The following MCF2L2 variants were observed in gnomAD, a reference collection of about 807,000 sequenced individuals.
MCF2L2 encodes the protein probable guanine nucleotide exchange factor MCF2L2.
MCF2L2 carries 102 observed loss-of-function variants against 150.2 expected under a neutral mutation model. That is an observed-to-expected ratio of 0.68 (90% CI 0.58 to 0.80). The LOEUF is 0.80. Among genes scored for constraint, MCF2L2 ranks in the 30% least tolerant of loss-of-function variants. The pLI is 0.00. For missense variants in MCF2L2, 1,256 were observed against 1,372.8 expected (o/e 0.91, Z 1.34); for synonymous variants, 465 against 491.3 (o/e 0.95, Z 0.71).
rs770812158 is a variant in MCF2L2 at position 183,207,809 on chromosome 3, T to A, written c.2511A>T (p.Lys837Asn). Residue 837 changes from lysine (K) to asparagine (N), a missense_variant, in exon 23 of 30, where the codon AAA becomes AAT. Transcript: ENST00000328913. Reference protein sequence around the residue: ...AVTECPDDIGKLGKLLLHGPF... With the variant: ...AVTECPDDIGNLGKLLLHGPF... Reference sequence around the variant, plus strand: ...GGCCGTGCAGCAACAGCTTGCCTAGTTTTCCAATATCGTCCTTTTGGAAAC... The same window carrying A: ...GGCCGTGCAGCAACAGCTTGCCTAGATTTCCAATATCGTCCTTTTGGAAAC... 10 of 1,613,944 alleles carry A rather than the reference T, an allele frequency of 6.2e-6. No homozygotes were observed. In the African/African-American group the frequency reaches 1.3e-4, roughly 21 times the overall value.
chr3:183,335,113 G>A (rs1401427439), intron 5 of MCF2L2, among the ~76,000 whole-genome samples: 2 of 135,752 alleles, frequency 1.5e-5, no homozygotes, highest in African/African-American at 3.3e-5. Flanking sequence ...GAGAGACTCT[G>A]TCTTAAAAAA....
chr3:183,253,248 C>T (rs1310344801), intron 15 of MCF2L2: 1 of 151,484 alleles, frequency 6.6e-6, no homozygotes, highest in Non-Finnish European at 1.5e-5. Context: ...GCCCCCATCC[C>T]GCCCGCATAC....
chr3:183,180,849 G>T (rs1474344870), intron 27 of MCF2L2, among the ~76,000 whole-genome samples: 1 of 152,208 alleles, frequency 6.6e-6, no homozygotes, highest in Non-Finnish European at 1.5e-5. Flanking sequence ...AGACAGCAAT[G>T]GTCACTTGGC....
At position 183,343,584 on chromosome 3, in the gene MCF2L2, G is replaced by C. The variant is rs1326408393; in HGVS notation, c.276-1954C>G. Among the ~76,000 whole-genome samples, 5 of 152,068 alleles carry C rather than the reference G, an allele frequency of 3.3e-5. No individual in the cohort carries two copies. The East Asian group carries it at 5.8e-4, about 18-fold the overall frequency. On this transcript the variant is annotated intron_variant, in intron 3 of 29. Coordinates refer to ENST00000328913, the MANE Select transcript of MCF2L2 (RefSeq NM_015078.4). ...CAGGTTTCACCATGTTGGTTAGGCTGGTCTCAATCTCCTGACCTCAGGCGA... is the reference window on the plus strand; with the variant it reads ...CAGGTTTCACCATGTTGGTTAGGCTCGTCTCAATCTCCTGACCTCAGGCGA...
At position 183,300,646 on chromosome 3, in the gene MCF2L2, T is replaced by C. The variant is rs1305489305; in HGVS notation, c.1114-450A>G. On this transcript the variant is annotated intron_variant, in intron 10 of 29. Coordinates refer to ENST00000328913, the MANE Select transcript of MCF2L2 (RefSeq NM_015078.4). The stretch of plus-strand genomic sequence containing the variant: ...GACTGACACCTGTCCTTGAGGAGAG[T>C]GGGGGGTGAGCTGAAGTTGAAACAC... 2.0e-5 allele frequency among the ~76,000 whole-genome samples: 3 copies of C among 150,760 alleles called. No homozygotes were observed. In the East Asian group the frequency reaches 5.8e-4, roughly 29 times the overall value.
intron 14 of MCF2L2, among the ~76,000 whole-genome samples, chr3:183,286,991 G>C (rs1227959800): frequency 6.6e-6 from 1 of 152,190 alleles, no homozygotes; most frequent in Non-Finnish European, 1.5e-5. Context: ...GAGGGAGATG[G>C]CAACTTAACA....
intron 25 of MCF2L2, among the ~76,000 whole-genome samples, chr3:183,204,265 T>C (rs1296531097): frequency 2.6e-5 from 4 of 152,240 alleles, no homozygotes; most frequent in East Asian, 1.9e-4. Flanking sequence ...ATCCAGAATA[T>C]ATAAATAACT....
At position 183,295,384 on chromosome 3, in the gene MCF2L2, T is replaced by A; in HGVS notation, c.1591A>T (p.Thr531Ser). Residue 531 changes from threonine to serine, a missense_variant, in exon 13 of 30, where the codon ACT (threonine) becomes TCT (serine). Coordinates refer to ENST00000328913, the MANE Select transcript of MCF2L2 (RefSeq NM_015078.4). Reference protein sequence around the residue: ...VSLMKLAAKQTRPVQPVAPHP... With the variant: ...VSLMKLAAKQSRPVQPVAPHP... ...GGGGCCACAGGTTGCACTGGACGAGTCTGTTTGGCTGCCAGTTTCATCAGA... is the reference window on the plus strand; with the variant it reads ...GGGGCCACAGGTTGCACTGGACGAGACTGTTTGGCTGCCAGTTTCATCAGA... The A allele has an allele frequency of 6.2e-7, 1 of 1,613,934 alleles. No individual in the cohort carries two copies. Among genetic ancestry groups the A allele is most frequent in the Non-Finnish European group, 8.5e-7 (1 of 1,179,970 alleles).
intron 8 of MCF2L2, 99 bp downstream of exon 8, chr3:183,311,549 G>A: frequency 7.3e-7 from 1 of 1,365,800 alleles, no homozygotes. Context: ...GCCCCACCAA[G>A]ACCCAATATT....
At chr3:183,202,813 T>G (rs1162274690) in intron 25 of MCF2L2, among the ~76,000 whole-genome samples, 1 of 152,164 alleles carries the variant, frequency 6.6e-6, no homozygotes, top group African/African-American at 2.4e-5. Flanking sequence ...GTTGCTACAT[T>G]ATGTTATTTA....
rs374259099 is a variant in MCF2L2 at position 183,318,135 on chromosome 3, A to G, written c.686T>C (p.Leu229Pro). 6.2e-7 allele frequency: 1 copy of G among 1,614,232 alleles called. No homozygotes were observed. The highest frequency in any genetic ancestry group is 1.7e-5 in the Admixed American group (1 of 60,032). The change falls in exon 7 of 30, where the codon CTG becomes CCG. Residue 229 changes from leucine (L) to proline (P), a missense_variant. By Grantham distance (98) the Leu-to-Pro change is moderately conservative. Coordinates refer to ENST00000328913, the MANE Select transcript of MCF2L2 (RefSeq NM_015078.4). ...TFGSCLATAELPRSMLSTEDL... is the reference protein window; with the variant it reads ...TFGSCLATAEPPRSMLSTEDL... Reference sequence around the variant, plus strand: ...TTCCGTGGATAGCATGCTTCTGGGCAGCTCTGCTGTGGCCAGGCAGGACCC... The same window carrying G: ...TTCCGTGGATAGCATGCTTCTGGGCGGCTCTGCTGTGGCCAGGCAGGACCC...
At chr3:183,349,305 C>G (rs1731019700) in intron 3 of MCF2L2, among the ~76,000 whole-genome samples, 1 of 152,182 alleles carries the variant, frequency 6.6e-6, no homozygotes, top group African/African-American at 2.4e-5. Context: ...AGCCTTTCTT[C>G]TTCTCCAATA....
intron 15 of MCF2L2, among the ~76,000 whole-genome samples, chr3:183,262,101 A>T (rs1032622117): frequency 6.9e-6 from 1 of 144,856 alleles, no homozygotes; most frequent in African/African-American, 2.8e-5. Flanking sequence ...AAAGTATCAT[A>T]ATACTAATAC....
chr3:183,314,268 G>A (rs1330500232), intron 7 of MCF2L2, among the ~76,000 whole-genome samples: 3 of 152,142 alleles, frequency 2.0e-5, no homozygotes, highest in Non-Finnish European at 4.4e-5. Context: ...TCAGGCTGGG[G>A]GAAAGAATTT....
At chr3:183,367,251 GTTTC>G in intron 3 of MCF2L2, among the ~76,000 whole-genome samples, 1 of 146,966 alleles carries the variant, frequency 6.8e-6, no homozygotes, top group East Asian at 2.0e-4. Context: ...TTGAGATGGA[GTTTC>G]TTTCTTGTTG....
intron 1 of MCF2L2, among the ~76,000 whole-genome samples, chr3:183,395,917 C>CA (rs11338932): frequency 0.092 from 5,302 of 57,858 alleles, 386 homozygotes; most frequent in African/African-American, 0.17. Context: ...GACATCGTCT[C>CA]AAAAAAAAAA....
In MCF2L2 at chr3:183,227,305, A is replaced by G. The variant is rs1383854513; in HGVS notation, c.2115+992T>C. The G allele has an allele frequency of 6.6e-6, 1 of 152,156 alleles. No individual in the cohort carries two copies. The highest frequency in any genetic ancestry group is 1.5e-5 in the Non-Finnish European group (1 of 68,056). The allele number at this position is 152,156 out of a possible 1,614,324, so 9.4% of individuals were successfully genotyped here. A position where few individuals can be genotyped will look rare whatever the true frequency, so the allele number is the denominator to read the frequency against. ...CAGCTCCCACTGGCCCATATAGCCTATTTGTTGCCTAAAACAGGGTGGAGA... is the reference window on the plus strand; with the variant it reads ...CAGCTCCCACTGGCCCATATAGCCTGTTTGTTGCCTAAAACAGGGTGGAGA... On this transcript the variant is annotated intron_variant, in intron 18 of 29. Transcript: ENST00000328913. This position sits in a 1 kb window ranked among gnomAD's most constrained non-coding sequence, Gnocchi z 4.0.
intron 3 of MCF2L2, among the ~76,000 whole-genome samples, chr3:183,345,589 T>C (rs556474577): frequency 9.9e-5 from 15 of 152,076 alleles, no homozygotes; most frequent in South Asian, 2.1e-4. Context: ...CTGAAGGAGA[T>C]AGAGACCTGA....
At chr3:183,216,761 T>C (rs1722960532) in intron 21 of MCF2L2, among the ~76,000 whole-genome samples, 1 of 149,916 alleles carries the variant, frequency 6.7e-6, no homozygotes. Context: ...TGCGCCACCA[T>C]GCCTGGCTAA....
Sources: allele counts gnomAD v4.1 joint callset (sites outside exome capture counted in the v4.1 genomes callset), GRCh38; gene constraint gnomAD v4.1.1; non-coding constraint Gnocchi (gnomAD v3.1); transcripts MANE v1.5; gene names NCBI Gene and HGNC (gene_info 2026-07-23, HGNC 2026-07-21).